EEF1AKMT2: variants seen among roughly 807,000 people sequenced by gnomAD.
The protein encoded by EEF1AKMT2 is EEF1A lysine methyltransferase 2.
In EEF1AKMT2, 32 loss-of-function variants were observed where a neutral mutation model predicts 35.8. The ratio of observed to expected loss-of-function variants is 0.89; its 90% CI spans 0.67 to 1.20. EEF1AKMT2 has a LOEUF of 1.20. Ranked by LOEUF, EEF1AKMT2 falls within the 50% of genes most tolerant of loss-of-function variation. The probability of loss-of-function intolerance (pLI) is 0.00; values close to 1 mark genes in which losing one functional copy is unlikely to be tolerated. For synonymous variants in EEF1AKMT2, 121 were observed against 133.7 expected, an observed-to-expected ratio of 0.91 and a Z score of 0.65; for missense variants, 330 against 347.5, an observed-to-expected ratio of 0.95 and a Z score of 0.40.
chr10:124,772,429 T>C (rs1017078306), intron 4 of EEF1AKMT2, among the ~76,000 whole-genome samples: 12 of 126,638 alleles, frequency 9.5e-5, no homozygotes, highest in East Asian at 4.3e-4. Flanking sequence ...TCTTTTTTTT[T>C]TTTTTTTTTT....
chr10:124,791,080 A>C (rs1950630150), intron 1 of EEF1AKMT2, among the ~76,000 whole-genome samples: 1 of 151,884 alleles, frequency 6.6e-6, no homozygotes, highest in South Asian at 2.1e-4. Context: ...AATCCTTTTC[A>C]TTTGCCGTCT....
At chr10:124,783,014 A>G in intron 3 of EEF1AKMT2, 1 of 412,216 alleles carries the variant, frequency 2.4e-6, no homozygotes, top group Non-Finnish European at 4.7e-6. Flanking sequence ...GTAAGTTAAA[A>G]GGATGGAAAA....
At chr10:124,779,241 C>T (rs1950515195) in intron 3 of EEF1AKMT2, among the ~76,000 whole-genome samples, 1 of 152,134 alleles carries the variant, frequency 6.6e-6, no homozygotes, top group Non-Finnish European at 1.5e-5. Context: ...AAGCGATTCT[C>T]CCACCTCAGC....
intron 3 of EEF1AKMT2, among the ~76,000 whole-genome samples, chr10:124,776,743 C>T (rs1456638055): frequency 6.6e-6 from 1 of 151,508 alleles, no homozygotes; most frequent in African/African-American, 2.4e-5. Flanking sequence ...TGCAGTGAGC[C>T]GAGATCATGC....
At chr10:124,769,946 CAAAAAAA>C (rs71484588) in intron 4 of EEF1AKMT2, among the ~76,000 whole-genome samples, 2 of 60,218 alleles carry the variant, frequency 3.3e-5, no homozygotes, top group African/African-American at 7.2e-5. Flanking sequence ...AACTCCATCT[CAAAAAAA>C]AAAAAAAAAA....
chr10:124,771,870 A>G (rs1291742862), intron 4 of EEF1AKMT2, among the ~76,000 whole-genome samples: 1 of 152,104 alleles, frequency 6.6e-6, no homozygotes, highest in East Asian at 1.9e-4. Context: ...CTCCGTCTCA[A>G]AAAAAAACAA....
intron 3 of EEF1AKMT2, among the ~76,000 whole-genome samples, chr10:124,777,340 T>A (rs1366029936): frequency 6.7e-6 from 1 of 148,730 alleles, no homozygotes; most frequent in Admixed American, 6.7e-5. Flanking sequence ...ATGTAACACA[T>A]ACACACACAC....
intron 3 of EEF1AKMT2, among the ~76,000 whole-genome samples, chr10:124,786,138 T>A (rs1050010824): frequency 6.6e-6 from 1 of 152,028 alleles, no homozygotes; most frequent in African/African-American, 2.4e-5. Context: ...TATTTTTTGG[T>A]CAGGTTGGTG....
chr10:124,774,374 CA>C (rs57130146), intron 4 of EEF1AKMT2, among the ~76,000 whole-genome samples: 1,336 of 21,662 alleles, frequency 0.062, 87 homozygotes, highest in Middle Eastern at 0.12. Context: ...GACTCAGTCT[CA>C]AAAAAAAAAA....
In EEF1AKMT2 at chr10:124,771,495, C is replaced by G. The variant is rs1006163981; in HGVS notation, c.399+3180G>C. On this transcript the variant is annotated intron_variant, in intron 4 of 6. Transcript: ENST00000368836. Reference sequence around the variant, plus strand: ...CTTATGAAATGCATTTCTTAAATAACACATTTAAGACTGTAAAGTCGAAAT... The same window carrying G: ...CTTATGAAATGCATTTCTTAAATAAGACATTTAAGACTGTAAAGTCGAAAT... Among the ~76,000 whole-genome samples the G allele has an allele frequency of 3.9e-5, 6 of 152,088 alleles. No homozygotes were observed. In the South Asian group the frequency reaches 1.2e-3, roughly 32 times the overall value.
At chr10:124,774,502 A>G (rs991491885) in intron 4 of EEF1AKMT2, among the ~76,000 whole-genome samples, 173 bp downstream of exon 4, 6 of 151,864 alleles carry the variant, frequency 4.0e-5, no homozygotes, top group Non-Finnish European at 7.4e-5. Context: ...AGAAGAAAAA[A>G]TAATTTCCCC....
chr10:124,767,151 A>C (rs1419481666), intron 4 of EEF1AKMT2, among the ~76,000 whole-genome samples: 1 of 143,408 alleles, frequency 7.0e-6, no homozygotes. Context: ...ACAAAGCTAG[A>C]CTCCATCTTA....
chr10:124,774,071 A>C (rs1469279790), intron 4 of EEF1AKMT2, among the ~76,000 whole-genome samples: 1 of 152,212 alleles, frequency 6.6e-6, no homozygotes, highest in Non-Finnish European at 1.5e-5. Flanking sequence ...GATGCATTTA[A>C]AACCTTTTGA....
intron 3 of EEF1AKMT2, among the ~76,000 whole-genome samples, chr10:124,784,930 TAAA>T (rs35519795): frequency 1.1e-4 from 14 of 123,668 alleles, no homozygotes; most frequent in Non-Finnish European, 1.5e-4. Context: ...GATTCCATCT[TAAA>T]AAAAAAAAAA....
In EEF1AKMT2 at chr10:124,776,061, G is replaced by A. The variant is rs1239800676; in HGVS notation, c.292-1279C>T. Among the ~76,000 whole-genome samples the A allele has an allele frequency of 9.2e-5, 14 of 152,156 alleles. No homozygotes were observed. In the East Asian group the frequency reaches 1.9e-3, roughly 21 times the overall value. On this transcript the variant is annotated intron_variant, in intron 3 of 6. Transcript: ENST00000368836. ...GCCTCCCAAGTAGCTGGGACTACAG[G>A]CGCCCGCCACCACGCCCAGCTAATT...
intron 4 of EEF1AKMT2, 78 bp from the exon 5 acceptor site, chr10:124,765,686 G>A (rs1334992237): frequency 1.9e-6 from 2 of 1,075,090 alleles, no homozygotes; most frequent in African/African-American, 1.6e-5. Context: ...CCTGTAAAAG[G>A]TTATTAATAA....
At position 124,758,787 on chromosome 10, in the gene EEF1AKMT2, T is replaced by G. The variant is rs1171663640; in HGVS notation, c.*1716A>C. 1.3e-5 allele frequency: 2 copies of G among 152,180 alleles called. No homozygotes were observed. Among genetic ancestry groups the G allele is most frequent in the Admixed American group, 6.5e-5 (1 of 15,276 alleles). 9.4% of individuals were successfully genotyped at this position (152,180 alleles called of 1,614,324 possible). A position where few individuals can be genotyped will look rare whatever the true frequency, so the allele number is the denominator to read the frequency against. Reference sequence around the variant, plus strand: ...ACCCGATCTCAAAAACTATAAAAGTTTCTACAGTTTAAGATCTCCTGTCTT... The same window carrying G: ...ACCCGATCTCAAAAACTATAAAAGTGTCTACAGTTTAAGATCTCCTGTCTT... On this transcript the variant is annotated 3_prime_UTR_variant, in exon 7 of 7. Coordinates refer to ENST00000368836, the MANE Select transcript of EEF1AKMT2 (RefSeq NM_212554.4).
At chr10:124,781,166 G>A (rs961243997) in intron 3 of EEF1AKMT2, among the ~76,000 whole-genome samples, 4 of 151,950 alleles carry the variant, frequency 2.6e-5, no homozygotes, top group South Asian at 2.1e-4. Context: ...GGATGGTCTC[G>A]ATCTCCCGAC....
intron 3 of EEF1AKMT2, among the ~76,000 whole-genome samples, chr10:124,775,049 T>A (rs991395492): frequency 6.6e-6 from 1 of 152,160 alleles, no homozygotes; most frequent in Non-Finnish European, 1.5e-5. Context: ...AATATATGTA[T>A]AAGCCCTCAG....
Sources: allele counts gnomAD v4.1 joint callset (sites outside exome capture counted in the v4.1 genomes callset), GRCh38; gene constraint gnomAD v4.1.1; transcripts MANE v1.5; gene names NCBI Gene and HGNC (gene_info 2026-07-23, HGNC 2026-07-21).